Variants in RPS6KB1 observed in about 807,000 individuals in gnomAD.
RPS6KB1 encodes the protein ribosomal protein S6 kinase B1, also known as ribosomal protein S6 kinase beta-1.
Under a neutral mutation model 70.2 loss-of-function variants are expected in RPS6KB1, and 12 were observed. That is an observed-to-expected ratio of 0.17 (90% confidence interval 0.11 to 0.28). The LOEUF (loss-of-function observed/expected upper bound fraction) is 0.28, where lower values mean the gene tolerates loss of function less well. RPS6KB1 is among the 10% of genes least tolerant of loss of function. The probability of loss-of-function intolerance (pLI) is 1.00; values close to 1 mark genes in which losing one functional copy is unlikely to be tolerated. For synonymous variants in RPS6KB1, 175 were observed against 211.2 expected (o/e 0.83, Z 1.49); for missense variants, 270 against 646.6 (o/e 0.42, Z 6.32).
intron 3 of RPS6KB1, 140 bp downstream of exon 3, chr17:59,912,944 G>C: frequency 1.1e-6 from 1 of 895,026 alleles, no homozygotes; most frequent in Non-Finnish European, 1.7e-6. Flanking sequence ...GTATGTTTGA[G>C]GGATGTACAG....
intron 5 of RPS6KB1, among the ~76,000 whole-genome samples, chr17:59,928,415 C>G (rs556114343): frequency 6.6e-6 from 1 of 150,812 alleles, no homozygotes; most frequent in Non-Finnish European, 1.5e-5. Flanking sequence ...GAGTCTCACT[C>G]TGTCGCCCAG....
At chr17:59,937,393 A>G (rs2044305546) in intron 12 of RPS6KB1, among the ~76,000 whole-genome samples, 1 of 152,226 alleles carries the variant, frequency 6.6e-6, no homozygotes, top group Non-Finnish European at 1.5e-5. Flanking sequence ...TTGCTGCAAC[A>G]AAGTACCACA....
chr17:59,919,984 C>T (rs1384314117), intron 4 of RPS6KB1, among the ~76,000 whole-genome samples: 2 of 152,190 alleles, frequency 1.3e-5, no homozygotes, highest in African/African-American at 4.8e-5. Flanking sequence ...TATCCCCACT[C>T]TGTCTTTTCA....
intron 13 of RPS6KB1, among the ~76,000 whole-genome samples, chr17:59,944,051 A>G (rs2044778352): frequency 6.6e-6 from 1 of 151,990 alleles, no homozygotes; most frequent in African/African-American, 2.4e-5. Flanking sequence ...AGGAAATTCA[A>G]AGATGATTAA....
chr17:59,914,992 C>CTTTTT, intron 4 of RPS6KB1, among the ~76,000 whole-genome samples: 1 of 142,902 alleles, frequency 7.0e-6, no homozygotes, highest in African/African-American at 2.5e-5. Context: ...ATTTTCTTTT[C>CTTTTT]TTTTTTTTTT....
intron 13 of RPS6KB1, among the ~76,000 whole-genome samples, chr17:59,941,680 T>C (rs550970482): frequency 1.1e-4 from 17 of 148,928 alleles, no homozygotes; most frequent in Admixed American, 2.7e-4. Flanking sequence ...TGTCACCAGG[T>C]TGGAGTGCAG....
At chr17:59,915,948 G>C (rs559086127) in intron 4 of RPS6KB1, among the ~76,000 whole-genome samples, 1 of 151,220 alleles carries the variant, frequency 6.6e-6, no homozygotes, top group South Asian at 2.1e-4. Flanking sequence ...ACCACGCCCG[G>C]CTAATTTTGT....
intron 4 of RPS6KB1, among the ~76,000 whole-genome samples, chr17:59,923,402 G>A (rs1248403603): frequency 1.3e-5 from 2 of 152,158 alleles, no homozygotes; most frequent in East Asian, 3.8e-4. Context: ...TGTGGGGCAG[G>A]CTGGTCTCAA....
chr17:59,901,167 T>G (rs1180721254), intron 1 of RPS6KB1, among the ~76,000 whole-genome samples: 2 of 149,798 alleles, frequency 1.3e-5, no homozygotes, highest in South Asian at 2.1e-4. Flanking sequence ...CATTTTTTTT[T>G]GAGACGGAGT....
intron 13 of RPS6KB1, among the ~76,000 whole-genome samples, chr17:59,943,379 T>G (rs1340855158): frequency 6.6e-6 from 1 of 152,140 alleles, no homozygotes; most frequent in East Asian, 1.9e-4. Flanking sequence ...ATGTGACAGT[T>G]TTCCCCCCAC....
intron 1 of RPS6KB1, among the ~76,000 whole-genome samples, chr17:59,894,335 A>T (rs879782122): frequency 1.3e-5 from 2 of 152,178 alleles, no homozygotes; most frequent in Non-Finnish European, 2.9e-5. Context: ...ATGTTGTCAT[A>T]CTAAATCACT....
intron 1 of RPS6KB1, among the ~76,000 whole-genome samples, chr17:59,908,920 ATTTTTTTTT>A (rs1405952501): frequency 9.8e-6 from 1 of 101,728 alleles, no homozygotes; most frequent in Non-Finnish European, 1.9e-5. Context: ...GCCCGGCCAA[ATTTTTTTTT>A]TTTTTTTTTT....
intron 12 of RPS6KB1, among the ~76,000 whole-genome samples, chr17:59,939,625 G>T (rs573344097): frequency 2.0e-5 from 3 of 152,210 alleles, no homozygotes; most frequent in African/African-American, 4.8e-5. Flanking sequence ...TTGAATGCTG[G>T]TGCAGTGAAT....
In RPS6KB1 at chr17:59,922,868, G is replaced by GTTT. The variant is rs200633304; in HGVS notation, c.382-3566_382-3564dup. ...CCTATACTCTCTTTTAAAAAAATTT[G>GTTT]TTTGTTTTTTTTTTTTGAGATGGAG... is the stretch of plus-strand genomic sequence containing the variant. On this transcript the variant is annotated intron_variant, in intron 4 of 14. Transcript: ENST00000225577. Among the ~76,000 whole-genome samples, 29 of 135,424 alleles carry GTTT rather than the reference G, an allele frequency of 2.1e-4. 2 individuals are homozygous for GTTT. Among genetic ancestry groups the GTTT allele is most frequent in the Non-Finnish European group, 2.1e-4 (13 of 63,264 alleles). The allele number at this position is 135,424 out of a possible 152,430, so 88.8% of individuals were successfully genotyped here. A position where few individuals can be genotyped will look rare whatever the true frequency, so the allele number is the denominator to read the frequency against.
intron 4 of RPS6KB1, among the ~76,000 whole-genome samples, chr17:59,924,190 G>A (rs2043452961): frequency 1.3e-5 from 2 of 152,054 alleles, no homozygotes; most frequent in Admixed American, 6.6e-5. Flanking sequence ...TTAGCCAGGT[G>A]TGGTGGCAGG....
intron 5 of RPS6KB1, among the ~76,000 whole-genome samples, chr17:59,927,651 C>G (rs1381485687): frequency 2.0e-5 from 3 of 151,348 alleles, no homozygotes; most frequent in Non-Finnish European, 4.4e-5. Flanking sequence ...GGACTACAGG[C>G]ATGCGCCACC....
intron 1 of RPS6KB1, among the ~76,000 whole-genome samples, chr17:59,900,576 G>C (rs1402057758): frequency 3.3e-5 from 5 of 151,920 alleles, no homozygotes; most frequent in African/African-American, 1.2e-4. Context: ...ATGTTGGCCA[G>C]GCTGGTCTCG....
intron 1 of RPS6KB1, among the ~76,000 whole-genome samples, chr17:59,900,171 A>AACACACACACACACACACACACACACAC (rs759914423): frequency 9.8e-6 from 1 of 102,424 alleles, no homozygotes; most frequent in Admixed American, 1.1e-4. Context: ...CTAATTGCTA[A>AACACACACACACACACACACACACACAC]ACACACACAC....
At chr17:59,919,284 G>A (rs932109334) in intron 4 of RPS6KB1, among the ~76,000 whole-genome samples, 3 of 152,072 alleles carry the variant, frequency 2.0e-5, no homozygotes, top group Admixed American at 6.6e-5. Context: ...CAGCACTTTC[G>A]GAGGCTGAGG....
Sources: gnomAD v4.1 joint callset for allele counts (sites outside exome capture counted in the v4.1 genomes callset) on GRCh38, gnomAD v4.1.1 for gene constraint, MANE v1.5 for transcripts, NCBI Gene and HGNC (gene_info 2026-07-23, HGNC 2026-07-21) for gene names.